OCM: variants seen among roughly 807,000 people sequenced by gnomAD.
OCM encodes oncomodulin.
OCM carries 18 observed loss-of-function variants against 14.1 expected under a neutral mutation model. The observed-to-expected ratio is 1.28, with a 90% CI of 0.88 to 1.89. The LOEUF (loss-of-function observed/expected upper bound fraction) is 1.89, where lower values mean the gene tolerates loss of function less well. Among genes scored for constraint, OCM ranks in the 40% most tolerant of loss-of-function variants. The pLI, the probability that OCM is intolerant of heterozygous loss-of-function variation, is 0.00. For synonymous variants in OCM, 48 were observed against 51.0 expected (o/e 0.94, Z 0.25); for missense variants, 140 against 137.6 (o/e 1.02, Z -0.09).
the OCM span, among the ~76,000 whole-genome samples, chr7:5,872,516 A>G: frequency 6.6e-6 from 1 of 152,230 alleles, no homozygotes; most frequent in African/African-American, 2.4e-5. Context: ...ACACAGAGAC[A>G]GCTGGATGCA....
chr7:5,877,110 C>G (rs565470471), upstream of OCM, among the ~76,000 whole-genome samples: 58 of 152,136 alleles, frequency 3.8e-4, no homozygotes, highest in South Asian at 0.012. Flanking sequence ...CCGGCCTGAA[C>G]TGTCTACTTC....
At chr7:5,860,709 C>T in the OCM span, among the ~76,000 whole-genome samples, 2 of 133,142 alleles carry the variant, frequency 1.5e-5, 1 homozygote, top group African/African-American at 5.7e-5. Flanking sequence ...CGTATATATA[C>T]GTGTATATAT....
At chr7:5,862,962 CCTCTA>C in the OCM span, among the ~76,000 whole-genome samples, 5 of 150,552 alleles carry the variant, frequency 3.3e-5, no homozygotes, top group Admixed American at 3.3e-4. Context: ...AACATGGACT[CCTCTA>C]CTCCCTCTTT....
the OCM span, among the ~76,000 whole-genome samples, chr7:5,865,933 C>T: frequency 6.6e-6 from 1 of 152,096 alleles, no homozygotes; most frequent in Admixed American, 6.6e-5. Context: ...ACAGAGTTGT[C>T]TTCATTTGGA....
chr7:5,878,119 C>T (rs1318766702), upstream of OCM, among the ~76,000 whole-genome samples: 1 of 151,052 alleles, frequency 6.6e-6, no homozygotes, highest in South Asian at 2.1e-4. Context: ...TACAGGCTAC[C>T]ACGCCCAGCT....
chr7:5,879,140 G>T (rs543852454), upstream of OCM, among the ~76,000 whole-genome samples: 1 of 152,174 alleles, frequency 6.6e-6, no homozygotes. Flanking sequence ...GGTCAAGGCT[G>T]CAATGAGCTG....
At chr7:5,876,384 C>G (rs557430418), upstream of OCM, among the ~76,000 whole-genome samples, 1 of 152,176 alleles carries the variant, frequency 6.6e-6, no homozygotes, top group South Asian at 2.1e-4. Flanking sequence ...CTCCTGGGCT[C>G]AAGCAATCCT....
the OCM span, among the ~76,000 whole-genome samples, chr7:5,865,087 C>G: frequency 2.0e-5 from 3 of 152,246 alleles, no homozygotes; most frequent in East Asian, 3.9e-4. Context: ...TCCCATTAAC[C>G]AAATTTGTTG....
At chr7:5,873,880 A>T in the OCM span, among the ~76,000 whole-genome samples, 1 of 151,750 alleles carries the variant, frequency 6.6e-6, no homozygotes, top group African/African-American at 2.4e-5. Context: ...ATCATGCATG[A>T]TGGAAGGAGG....
At chr7:5,865,229 A>G in the OCM span, among the ~76,000 whole-genome samples, 3 of 152,204 alleles carry the variant, frequency 2.0e-5, no homozygotes, top group African/African-American at 7.2e-5. Context: ...TTTTTGATCT[A>G]TTCTAATGAG....
chr7:5,870,188 C>T, the OCM span, among the ~76,000 whole-genome samples: 2 of 152,034 alleles, frequency 1.3e-5, no homozygotes, highest in Admixed American at 6.6e-5. Context: ...CTCACTGCAG[C>T]CTTGATCTCC....
upstream of OCM, among the ~76,000 whole-genome samples, chr7:5,875,827 T>C (rs148198856): frequency 0.017 from 2,633 of 152,074 alleles, 62 homozygotes; most frequent in East Asian, 0.06. Context: ...AAGACTTATT[T>C]TCAGAAACCT....
chr7:5,865,613 A>C, the OCM span, among the ~76,000 whole-genome samples: 2 of 152,236 alleles, frequency 1.3e-5, no homozygotes, highest in African/African-American at 4.8e-5. Context: ...ATTATATTAC[A>C]GTTGCAATAA....
At chr7:5,861,563 A>C in the OCM span, among the ~76,000 whole-genome samples, 6 of 152,184 alleles carry the variant, frequency 3.9e-5, no homozygotes, top group African/African-American at 1.4e-4. Context: ...AAGGAGAGCC[A>C]AGAGAGTTGC....
At chr7:5,884,735 A>T (rs916151844) in intron 3 of OCM, among the ~76,000 whole-genome samples, 2 of 151,212 alleles carry the variant, frequency 1.3e-5, no homozygotes, top group African/African-American at 4.9e-5. Flanking sequence ...AAACCTGTTC[A>T]AAATTATACC....
rs2128606875 is a variant in OCM at position 5,882,530 on chromosome 7, A to G, written c.99A>G (p.Thr33=). The G allele has an allele frequency of 1.2e-6, 2 of 1,614,192 alleles. No individual in the cohort carries two copies. The highest frequency in any genetic ancestry group is 1.1e-5 in the South Asian group (1 of 91,082). The change falls in exon 2 of 4, where the codon ACA becomes ACG. Residue 33 remains threonine (T), a synonymous_variant. Coordinates refer to ENST00000242104, the MANE Select transcript of OCM (RefSeq NM_001097622.2). ...DTFEPQKFFQ[T]SGLSKMSANQ... Reference sequence around the variant, plus strand: ...TTGAACCCCAAAAATTCTTCCAGACATCAGGCCTCTCCAAGATGTCAGCCA... The same window carrying G: ...TTGAACCCCAAAAATTCTTCCAGACGTCAGGCCTCTCCAAGATGTCAGCCA...
the OCM span, among the ~76,000 whole-genome samples, chr7:5,860,337 C>T: frequency 4.1e-5 from 6 of 144,692 alleles, no homozygotes; most frequent in East Asian, 4.1e-4. Flanking sequence ...TGGGGCTCTC[C>T]GTATGTGTGT....
At chr7:5,861,596 C>T in the OCM span, among the ~76,000 whole-genome samples, 2 of 152,130 alleles carry the variant, frequency 1.3e-5, no homozygotes, top group Non-Finnish European at 2.9e-5. Context: ...TAATGCATTT[C>T]TTATTCAGAG....
chr7:5,882,936 A>G (rs181805468), intron 2 of OCM, among the ~76,000 whole-genome samples: 38 of 150,296 alleles, frequency 2.5e-4, no homozygotes, highest in African/African-American at 8.6e-4. Context: ...TCCGCCTTCC[A>G]AATTCAAGTG....
Sources: gnomAD v4.1 joint callset for allele counts (sites outside exome capture counted in the v4.1 genomes callset) on GRCh38, gnomAD v4.1.1 for gene constraint, MANE v1.5 for transcripts, NCBI Gene and HGNC (gene_info 2026-07-23, HGNC 2026-07-21) for gene names.